Variants in STAB2 observed in about 807,000 individuals in gnomAD.
STAB2 encodes stabilin-2.
Under a neutral mutation model 338.1 loss-of-function variants are expected in STAB2, and 288 were observed. The observed-to-expected ratio is 0.85, with a 90% CI of 0.77 to 0.94. The LOEUF (loss-of-function observed/expected upper bound fraction) is 0.94, where lower values mean the gene tolerates loss of function less well. Among genes scored for constraint, STAB2 ranks in the 40% least tolerant of loss-of-function variants. STAB2 has a pLI of 0.00. For missense variants in STAB2, 3,141 were observed against 3,210.1 expected, an observed-to-expected ratio of 0.98 and a Z score of 0.52; for synonymous variants, 1,202 against 1,193.3, an observed-to-expected ratio of 1.01 and a Z score of -0.15.
At chr12:103,732,965 C>T (rs1162133615) in intron 50 of STAB2, 41 bp from the exon 51 acceptor site, 5 of 1,600,550 alleles carry the variant, frequency 3.1e-6, no homozygotes, top group Non-Finnish European at 4.3e-6. Context: ...CATGTCTGGG[C>T]CTTGCTCAAG....
chr12:103,728,787 A>G (rs1205071611), intron 47 of STAB2, 62 bp from the exon 48 acceptor site: 1 of 1,601,304 alleles, frequency 6.2e-7, no homozygotes, highest in Non-Finnish European at 8.5e-7. Flanking sequence ...AGGAGAGCCA[A>G]ATGGCACATT....
intron 34 of STAB2, among the ~76,000 whole-genome samples, chr12:103,702,595 G>A (rs892966266): frequency 2.6e-5 from 4 of 152,202 alleles, no homozygotes; most frequent in African/African-American, 4.8e-5. Context: ...CACCGCGCCC[G>A]GCCTATCAGT....
intron 12 of STAB2, among the ~76,000 whole-genome samples, chr12:103,653,067 G>C (rs1314205034): frequency 1.3e-5 from 2 of 152,180 alleles, no homozygotes; most frequent in Non-Finnish European, 2.9e-5. Context: ...GAAGGAAATA[G>C]ATTGTATTTG....
At chr12:103,594,058 T>C (rs985186317) in intron 2 of STAB2, among the ~76,000 whole-genome samples, 3 of 148,328 alleles carry the variant, frequency 2.0e-5, no homozygotes, top group Non-Finnish European at 4.5e-5. Flanking sequence ...TCTCCCTTCC[T>C]GCATTGACTG....
At chr12:103,708,860 T>C (rs1593265671) in intron 39 of STAB2, among the ~76,000 whole-genome samples, 1 of 152,206 alleles carries the variant, frequency 6.6e-6, no homozygotes, top group Non-Finnish European at 1.5e-5. Context: ...AATATATATA[T>C]AGATATCTTT....
chr12:103,669,644 G>A lies in STAB2; in HGVS notation c.2259+17G>A. 5 of 1,606,786 alleles carry A rather than the reference G, an allele frequency of 3.1e-6. No homozygotes were observed. Among genetic ancestry groups the A allele is most frequent in the Non-Finnish European group, 4.3e-6 (5 of 1,173,906 alleles). On this transcript the variant is annotated intron_variant, in intron 21 of 68. Coordinates refer to ENST00000388887, the MANE Select transcript of STAB2 (RefSeq NM_017564.10). ...AATGGACAGGTGAATACTGAAGACTGGCCTTCCATAAGTCAAATCAAACAA... is the reference window on the plus strand; with the variant it reads ...AATGGACAGGTGAATACTGAAGACTAGCCTTCCATAAGTCAAATCAAACAA...
intron 64 of STAB2, 78 bp from the exon 65 acceptor site, chr12:103,759,055 T>G: frequency 3.1e-6 from 5 of 1,610,818 alleles, no homozygotes; most frequent in South Asian, 2.2e-5. Context: ...AGCAATTTTC[T>G]TCGTCATCCC....
At chr12:103,699,749 A>G (rs1174825669) in intron 34 of STAB2, among the ~76,000 whole-genome samples, 2 of 152,206 alleles carry the variant, frequency 1.3e-5, no homozygotes, top group Non-Finnish European at 2.9e-5. Flanking sequence ...TTCACCATAA[A>G]GTAAAGCCTA....
chr12:103,655,058 C>T (rs1874077069), intron 13 of STAB2, among the ~76,000 whole-genome samples, 193 bp from the exon 14 acceptor site: 1 of 152,196 alleles, frequency 6.6e-6, no homozygotes, highest in South Asian at 2.1e-4. Flanking sequence ...AAGGATACTT[C>T]AGAACATGCA....
chr12:103,640,363 C>A (rs1872829998), intron 9 of STAB2, 107 bp downstream of exon 9: 3 of 1,409,504 alleles, frequency 2.1e-6, no homozygotes, highest in Non-Finnish European at 1.9e-6. Context: ...TTCAGCCTTG[C>A]ATCCACCCCC....
chr12:103,737,857 T>C, intron 53 of STAB2, 77 bp downstream of exon 53: 3 of 1,571,346 alleles, frequency 1.9e-6, no homozygotes, highest in Non-Finnish European at 2.6e-6. Context: ...GTGGACCCTG[T>C]TGTGAAACCA....
chr12:103,740,607 G>A, intron 54 of STAB2, 23 bp from the exon 55 acceptor site: 1 of 1,608,726 alleles, frequency 6.2e-7, no homozygotes, highest in Non-Finnish European at 8.5e-7. Context: ...TAAGTGAAGG[G>A]ATGGTCCACT....
In STAB2 at chr12:103,747,689, A is replaced by G. The variant is rs115656432; in HGVS notation, c.6244+985A>G. ...CAACCATGAACCCACCTGAAAATCT[A>G]TTATTACAGAAAAAAAGAGACTAGG... On this transcript the variant is annotated intron_variant, in intron 58 of 68. Coordinates refer to ENST00000388887, the MANE Select transcript of STAB2 (RefSeq NM_017564.10). Among the ~76,000 whole-genome samples, 1,419 of 152,238 alleles carry G rather than the reference A, an allele frequency of 9.3e-3. 21 individuals are homozygous for G. Among genetic ancestry groups the G allele is most frequent in the African/African-American group, 0.033 (1,356 of 41,522 alleles).
intron 10 of STAB2, 58 bp from the exon 11 acceptor site, chr12:103,650,438 C>T (rs1274033427): frequency 6.6e-7 from 1 of 1,506,086 alleles, no homozygotes; most frequent in Non-Finnish European, 9.2e-7. Flanking sequence ...GATTTTACTC[C>T]TCCTGTACCA....
Position 103,740,620 on chromosome 12 carries a change from C to T in STAB2, c.5755-10C>T, listed in dbSNP as rs543998439. The T allele has an allele frequency of 2.5e-6, 4 of 1,610,918 alleles. No homozygotes were observed. The highest frequency in any genetic ancestry group is 1.6e-4 in the Middle Eastern group (1 of 6,072). On this transcript the variant is annotated splice_polypyrimidine_tract_variant and intron_variant, in intron 54 of 68. Coordinates refer to ENST00000388887, the MANE Select transcript of STAB2 (RefSeq NM_017564.10). Reference sequence around the variant, plus strand: ...GGTAAGTGAAGGGATGGTCCACTCTCTTCCCTTAGGGTGTGAAGCAGAAGT... The same window carrying T: ...GGTAAGTGAAGGGATGGTCCACTCTTTTCCCTTAGGGTGTGAAGCAGAAGT...
chr12:103,607,630 T>C (rs1957052323), intron 3 of STAB2, among the ~76,000 whole-genome samples: 2 of 150,182 alleles, frequency 1.3e-5, no homozygotes, highest in South Asian at 2.1e-4. Context: ...AGTGAGAACA[T>C]GTGGTGTTTG....
At chr12:103,589,599 G>C (rs1956764876) in intron 1 of STAB2, among the ~76,000 whole-genome samples, 1 of 152,126 alleles carries the variant, frequency 6.6e-6, no homozygotes, top group Non-Finnish European at 1.5e-5. Context: ...TCTTTTAATG[G>C]AGTGCAAAAA....
chr12:103,590,827 T>C, intron 1 of STAB2, 70 bp from the exon 2 acceptor site: 1 of 1,580,932 alleles, frequency 6.3e-7, no homozygotes. Flanking sequence ...TGGAGAAGAT[T>C]GGCCATGCTA....
intron 12 of STAB2, among the ~76,000 whole-genome samples, chr12:103,653,306 A>G (rs1004680464): frequency 6.6e-6 from 1 of 152,204 alleles, no homozygotes; most frequent in Admixed American, 6.5e-5. Context: ...TCGATAGTTA[A>G]TAGATCCTTG....
Sources: allele counts gnomAD v4.1 joint callset (sites outside exome capture counted in the v4.1 genomes callset), GRCh38; gene constraint gnomAD v4.1.1; transcripts MANE v1.5; gene names NCBI Gene and HGNC (gene_info 2026-07-23, HGNC 2026-07-21).